Variants in HGF observed in about 807,000 individuals in gnomAD.
HGF encodes fibroblast-derived tumor cytotoxic factor.
In HGF, 39 loss-of-function variants were observed where a neutral mutation model predicts 111.6. The observed-to-expected ratio is 0.35, with a 90% CI of 0.27 to 0.46. The LOEUF (loss-of-function observed/expected upper bound fraction) is 0.46. Among genes scored for constraint, HGF ranks in the 20% least tolerant of loss-of-function variants. The pLI, the probability that HGF is intolerant of heterozygous loss-of-function variation, is 1.00. For synonymous variants in HGF, 285 were observed against 294.8 expected (o/e 0.97, Z 0.34); for missense variants, 735 against 910.5 (o/e 0.81, Z 2.48).
intron 11 of HGF, among the ~76,000 whole-genome samples, chr7:81,714,996 C>T (rs1214817254): frequency 6.6e-6 from 1 of 152,084 alleles, no homozygotes; most frequent in South Asian, 2.1e-4. Context: ...AGTCTTTCAA[C>T]AGCACATTAC....
chr7:81,769,089 A>G (rs1388739589), intron 1 of HGF, among the ~76,000 whole-genome samples: 1 of 152,150 alleles, frequency 6.6e-6, no homozygotes, highest in Non-Finnish European at 1.5e-5. Context: ...CTCAGCCTCT[A>G]CAATGATACA....
intron 5 of HGF, among the ~76,000 whole-genome samples, chr7:81,749,102 T>A (rs957298135): frequency 1.1e-4 from 17 of 152,144 alleles, no homozygotes; most frequent in African/African-American, 4.1e-4. Context: ...TAAAAGTTTG[T>A]CAAATAAATT....
At chr7:81,759,202 T>C (rs567395429) in intron 2 of HGF, among the ~76,000 whole-genome samples, 1 of 152,340 alleles carries the variant, frequency 6.6e-6, no homozygotes, top group East Asian at 1.9e-4. Flanking sequence ...TACAAAATGG[T>C]ATTATATTTG....
At chr7:81,749,495 A>T (rs1438772933) in intron 5 of HGF, among the ~76,000 whole-genome samples, 1 of 152,120 alleles carries the variant, frequency 6.6e-6, no homozygotes, top group Non-Finnish European at 1.5e-5. Context: ...GTACGACATG[A>T]TGTTTTGAAG....
chr7:81,763,409 T>C (rs1584016976), intron 1 of HGF, among the ~76,000 whole-genome samples: 1 of 152,166 alleles, frequency 6.6e-6, no homozygotes, highest in Admixed American at 6.5e-5. Flanking sequence ...TCTCCTCCTT[T>C]AGTGCATAAA....
In HGF at chr7:81,701,429, A is replaced by G. The variant is rs1421493687; in HGVS notation, c.*1152T>C. 6.6e-6 allele frequency: 1 copy of G among 151,528 alleles called. No homozygotes were observed. Among genetic ancestry groups the G allele is most frequent in the Non-Finnish European group, 1.5e-5 (1 of 67,630 alleles). The allele number at this position is 151,528 out of a possible 1,614,324, so 9.4% of individuals were successfully genotyped here. A position where few individuals can be genotyped will look rare whatever the true frequency, so the allele number is the denominator to read the frequency against. On this transcript the variant is annotated 3_prime_UTR_variant, in exon 18 of 18. Coordinates refer to ENST00000222390, the MANE Select transcript of HGF (RefSeq NM_000601.6). ...TTTTCTCCAATATATACTTTAATGC[A>G]TGACTTGATGAAGGGTATTTATAAA...
At chr7:81,751,339 T>G (rs1788488288) in intron 5 of HGF, 1 of 984,992 alleles carries the variant, frequency 1.0e-6, no homozygotes, top group African/African-American at 1.7e-5. Flanking sequence ...AAAATCCGGC[T>G]ATTCAGTAGC....
intron 9 of HGF, among the ~76,000 whole-genome samples, chr7:81,721,502 C>T (rs569792963): frequency 1.3e-5 from 2 of 152,200 alleles, no homozygotes; most frequent in East Asian, 3.9e-4. Flanking sequence ...AAATTTCATT[C>T]CATAGAAAAG....
chr7:81,730,543 G>C (rs1239140365), intron 7 of HGF, among the ~76,000 whole-genome samples: 1 of 152,122 alleles, frequency 6.6e-6, no homozygotes, highest in East Asian at 1.9e-4. Context: ...GAAAAAATCA[G>C]TTATTCCTAG....
chr7:81,715,719 T>C (rs1447140395), intron 11 of HGF, among the ~76,000 whole-genome samples: 3 of 152,128 alleles, frequency 2.0e-5, no homozygotes, highest in African/African-American at 7.2e-5. Flanking sequence ...AGGTGAAATT[T>C]ACCTCTTTAA....
chr7:81,720,674 T>C (rs1789829741), intron 10 of HGF, 71 bp downstream of exon 10: 3 of 841,122 alleles, frequency 3.6e-6, no homozygotes, highest in South Asian at 2.7e-5. Flanking sequence ...GAAATAGCAA[T>C]GTACATATCT....
chr7:81,708,964 C>G (rs1188458704), intron 13 of HGF, among the ~76,000 whole-genome samples: 2 of 152,034 alleles, frequency 1.3e-5, no homozygotes, highest in Non-Finnish European at 2.9e-5. Context: ...AAAAAAAGAA[C>G]TTTAGGCCAT....
intron 5 of HGF, among the ~76,000 whole-genome samples, chr7:81,746,475 C>G (rs1196654247): frequency 6.6e-6 from 1 of 152,132 alleles, no homozygotes; most frequent in African/African-American, 2.4e-5. Context: ...ATTTAGGTAT[C>G]TCTCTCTTTT....
intron 1 of HGF, among the ~76,000 whole-genome samples, chr7:81,764,152 T>G (rs116243858): frequency 1.3e-5 from 2 of 152,036 alleles, no homozygotes; most frequent in Non-Finnish European, 2.9e-5. Context: ...AATTTGGAAA[T>G]ACAACTAGCA....
At position 81,752,267 on chromosome 7, in the gene HGF, T is replaced by A. The variant is rs766480752; in HGVS notation, c.483-5A>T. 1 of 1,612,916 alleles carries A rather than the reference T, an allele frequency of 6.2e-7. No individual in the cohort carries two copies. The highest frequency in any genetic ancestry group is 8.5e-7 in the Non-Finnish European group (1 of 1,178,972). On this transcript the variant is annotated splice_region_variant and splice_polypyrimidine_tract_variant and intron_variant, in intron 4 of 17. Transcript: ENST00000222390. ...CGATAGCTCGAAGGCAAAAAGCTAG[T>A]TTTAAAATGATAATCATTACAGTAT...
At chr7:81,708,611 T>G (rs1789493293) in intron 13 of HGF, among the ~76,000 whole-genome samples, 1 of 141,778 alleles carries the variant, frequency 7.1e-6, no homozygotes, top group Non-Finnish European at 1.5e-5. Context: ...GCCCGGCTAA[T>G]TTTTGTATTT....
chr7:81,770,013 C>T lies in HGF; in HGVS notation c.-42G>A. The T allele has an allele frequency of 6.9e-7, 1 of 1,443,252 alleles. No individual in the cohort carries two copies. The highest frequency in any genetic ancestry group is 9.5e-7 in the Non-Finnish European group (1 of 1,051,462). 89.4% of individuals were successfully genotyped at this position (1,443,252 alleles called of 1,614,324 possible). A position where few individuals can be genotyped will look rare whatever the true frequency, so the allele number is the denominator to read the frequency against. On this transcript the variant is annotated 5_prime_UTR_variant, in exon 1 of 18. Coordinates refer to ENST00000222390, the MANE Select transcript of HGF (RefSeq NM_000601.6). ...CTGGCGGATCCCTCTGGAGGAGATGCCTGGGTGAAAGAATCCTGTTCGGAG... is the reference window on the plus strand; with the variant it reads ...CTGGCGGATCCCTCTGGAGGAGATGTCTGGGTGAAAGAATCCTGTTCGGAG...
At chr7:81,728,391 G>A (rs964007952) in intron 8 of HGF, among the ~76,000 whole-genome samples, 24 of 152,192 alleles carry the variant, frequency 1.6e-4, no homozygotes, top group South Asian at 4.2e-4. Flanking sequence ...GTATCTTTAC[G>A]TACACAATTT....
chr7:81,724,327 CTG>C (rs1789950482), intron 9 of HGF, among the ~76,000 whole-genome samples: 1 of 152,072 alleles, frequency 6.6e-6, no homozygotes. Context: ...AAGAATGACA[CTG>C]TGGAAAAAGT....
Sources: gnomAD v4.1 joint callset for allele counts (sites outside exome capture counted in the v4.1 genomes callset) on GRCh38, gnomAD v4.1.1 for gene constraint, MANE v1.5 for transcripts, NCBI Gene and HGNC (gene_info 2026-07-23, HGNC 2026-07-21) for gene names.